The following RBBP8 variants were observed in gnomAD, a reference collection of about 807,000 sequenced individuals.
The protein encoded by RBBP8 is RB binding protein 8, endonuclease, also known as DNA endonuclease RBBP8.
Under a neutral mutation model 108.3 loss-of-function variants are expected in RBBP8, and 88 were observed. That is an observed-to-expected ratio of 0.81 (90% CI 0.68 to 0.97). The LOEUF (loss-of-function observed/expected upper bound fraction) is 0.97, where lower values mean the gene tolerates loss of function less well. Ranked by LOEUF, RBBP8 falls within the 50% of genes least tolerant of loss-of-function variation. The probability of loss-of-function intolerance (pLI) is 0.00; values close to 1 mark genes in which losing one functional copy is unlikely to be tolerated. For synonymous variants in RBBP8, 332 were observed against 348.2 expected, an observed-to-expected ratio of 0.95 and a Z score of 0.52; for missense variants, 1,023 against 1,049.0, an observed-to-expected ratio of 0.98 and a Z score of 0.34.
chr18:22,941,082 A>C (rs1274924559), intron 2 of RBBP8, among the ~76,000 whole-genome samples: 1 of 151,936 alleles, frequency 6.6e-6, no homozygotes, highest in Admixed American at 6.5e-5. Flanking sequence ...TTTGCTTTTC[A>C]GATTGTTCAT....
In RBBP8 at chr18:22,993,521, A is replaced by G; in HGVS notation, c.1694A>G (p.Asn565Ser). The change falls in exon 11 of 19, where the codon AAT (asparagine) becomes AGT (serine). Residue 565 changes from asparagine to serine, a missense_variant. Physicochemically the swap from Asn to Ser is conservative, Grantham distance 46. Coordinates refer to ENST00000327155, the MANE Select transcript of RBBP8 (RefSeq NM_002894.3). ...GAATGCATCATCCTTCAGCCCTTGA[A>G]TAAATGCTCTCCAGACAATAAACCA... Reference protein sequence around the residue: ...SQECIILQPLNKCSPDNKPSL... With the variant: ...SQECIILQPLSKCSPDNKPSL... The G allele has an allele frequency of 1.2e-6, 2 of 1,613,432 alleles. No homozygotes were observed. The highest frequency in any genetic ancestry group is 1.7e-6 in the Non-Finnish European group (2 of 1,179,856).
intron 17 of RBBP8, among the ~76,000 whole-genome samples, chr18:23,020,254 C>G (rs2046326985): frequency 6.6e-6 from 1 of 151,808 alleles, no homozygotes; most frequent in Non-Finnish European, 1.5e-5. Flanking sequence ...AACCCTGTCC[C>G]TACTAATAAT....
chr18:22,947,064 T>C (rs147058782), intron 3 of RBBP8, among the ~76,000 whole-genome samples: 1 of 152,190 alleles, frequency 6.6e-6, no homozygotes, highest in Non-Finnish European at 1.5e-5. Flanking sequence ...CATTCAGGAA[T>C]CTGAAACAGA....
chr18:22,918,290 G>T (rs1398563403), intron 3 of RBBP8, among the ~76,000 whole-genome samples: 1 of 152,172 alleles, frequency 6.6e-6, no homozygotes, highest in Admixed American at 6.5e-5. Context: ...GAAATTAGGT[G>T]ATTTCATTGT....
intron 13 of RBBP8, 78 bp downstream of exon 13, chr18:22,996,540 CTG>C: frequency 6.4e-7 from 1 of 1,570,928 alleles, no homozygotes; most frequent in Non-Finnish European, 8.6e-7. Flanking sequence ...TCGTGACTCA[CTG>C]TATCACCTTA....
intron 16 of RBBP8, among the ~76,000 whole-genome samples, chr18:23,007,701 A>AC (rs1329332252): frequency 6.7e-6 from 1 of 148,208 alleles, no homozygotes; most frequent in African/African-American, 2.5e-5. Context: ...CCGTCTCAGA[A>AC]AAAAAAAAAA....
chr18:22,945,979 T>C (rs1200029310), intron 2 of RBBP8, among the ~76,000 whole-genome samples: 2 of 152,200 alleles, frequency 1.3e-5, no homozygotes, highest in Non-Finnish European at 2.9e-5. Context: ...AATTAAAAAT[T>C]CATGTAATAG....
chr18:22,925,741 C>A (rs939569906), intron 3 of RBBP8, among the ~76,000 whole-genome samples: 1 of 152,104 alleles, frequency 6.6e-6, no homozygotes, highest in Non-Finnish European at 1.5e-5. Context: ...TGACTTGTTC[C>A]GACGGTTAGC....
intron 3 of RBBP8, among the ~76,000 whole-genome samples, chr18:22,928,158 G>A (rs4800440): frequency 0.18 from 26,844 of 150,598 alleles, 3,139 homozygotes; most frequent in East Asian, 0.44. Context: ...CTGAGATCGC[G>A]CCACTGCACT....
chr18:23,006,336 T>A (rs774240487), intron 15 of RBBP8, 27 bp from the exon 16 acceptor site: 12 of 1,586,694 alleles, frequency 7.6e-6, no homozygotes, highest in South Asian at 2.2e-5. Context: ...CTACATTTAG[T>A]TTGTAATGTG....
Position 22,936,772 on chromosome 18 carries a change from G to C in RBBP8, c.-80G>C. ...ATTTCAGGTATTTGACCTGTCCAAA[G>C]ACGACTTGATACCTCTATAATGTAA... is the stretch of plus-strand genomic sequence containing the variant. On this transcript the variant is annotated 5_prime_UTR_variant, in exon 2 of 19. Transcript: ENST00000327155. The C allele has an allele frequency of 6.4e-7, 1 of 1,552,218 alleles. No individual in the cohort carries two copies. The highest frequency in any genetic ancestry group is 1.7e-5 in the Admixed American group (1 of 59,868).
chr18:22,992,848 G>C lies in RBBP8; in HGVS notation c.1021G>C (p.Asp341His), dbSNP rs1372065302. Residue 341 changes from aspartate (D) to histidine (H), a missense_variant, in exon 11 of 19, where the codon GAT becomes CAT. By Grantham distance (81) the Asp-to-His change is moderately conservative. Coordinates refer to ENST00000327155, the MANE Select transcript of RBBP8 (RefSeq NM_002894.3). The stretch of plus-strand genomic sequence containing the variant: ...TACCTCTAGTATCAAAAGTGGTTTA[G>C]ATTTGAATACAAGTTTGTCCCCTTC... ...GATSSIKSGL[D>H]LNTSLSPSLL... The C allele has an allele frequency of 6.2e-7, 1 of 1,613,426 alleles. No individual in the cohort carries two copies. Among genetic ancestry groups the C allele is most frequent in the African/African-American group, 1.3e-5 (1 of 74,844 alleles).
intron 4 of RBBP8, among the ~76,000 whole-genome samples, chr18:22,952,548 A>G (rs1912130090): frequency 6.6e-6 from 1 of 152,206 alleles, no homozygotes; most frequent in African/African-American, 2.4e-5. Context: ...GATATTTAAT[A>G]AGACATATAC....
rs140196819 is a variant in RBBP8 at position 23,022,190 on chromosome 18, G to A, written c.2516G>A (p.Arg839Gln). ...AAATTGGCTTCCTGCTCAAGACACC[G>A]ATTCCGCTACATTCCACCCAACACA... ...EKKLASCSRH[R>Q]FRYIPPNTPE... The change falls in exon 18 of 19, where the codon CGA becomes CAA. Residue 839 changes from arginine to glutamine, a missense_variant. By Grantham distance (43) the Arg-to-Gln change is conservative. Transcript: ENST00000327155. 1,164 of 1,611,186 alleles carry A rather than the reference G, an allele frequency of 7.2e-4. 2 individuals carry two copies. The highest frequency in any genetic ancestry group is 9.3e-4 in the Non-Finnish European group (1,090 of 1,177,324).
rs1422761971 is a variant in RBBP8, at chr18:22,992,999, G to T, written c.1172G>T (p.Gly391Val). Residue 391 changes from glycine to valine, a missense_variant, in exon 11 of 19, where the codon GGG (glycine) becomes GTG (valine). Physicochemically the swap from Gly to Val is moderately radical, Grantham distance 109. Coordinates refer to ENST00000327155, the MANE Select transcript of RBBP8 (RefSeq NM_002894.3). ...DSALFTHHSL[G>V]SEVNKIIIQS... ...GCCCTTTTCACACATCACAGTCTTG[G>T]GTCTGAAGTGAACAAGATCATTATC... The T allele has an allele frequency of 6.2e-7, 1 of 1,613,370 alleles. No homozygotes were observed. The highest frequency in any genetic ancestry group is 1.3e-5 in the African/African-American group (1 of 74,862).
At chr18:23,022,669 A>AAAATAATAAATAC (rs1555650207) in intron 18 of RBBP8, among the ~76,000 whole-genome samples, 1 of 141,050 alleles carries the variant, frequency 7.1e-6, no homozygotes, top group African/African-American at 2.9e-5. Context: ...AAAATAAAAT[A>AAAATAATAAATAC]AATAACTGTA....
chr18:23,017,390 A>T (rs1350007717), intron 17 of RBBP8, among the ~76,000 whole-genome samples: 1 of 150,696 alleles, frequency 6.6e-6, no homozygotes, highest in African/African-American at 2.4e-5. Flanking sequence ...GCAGTGGCTC[A>T]CACCTGTAAT....
At chr18:22,998,659 C>T (rs926816008) in intron 14 of RBBP8, among the ~76,000 whole-genome samples, 6 of 152,224 alleles carry the variant, frequency 3.9e-5, no homozygotes, top group African/African-American at 1.4e-4. Flanking sequence ...GGTGTGCATT[C>T]CTTATCTTCT....
At chr18:22,928,701 G>A (rs1011325290), upstream of RBBP8, among the ~76,000 whole-genome samples, 1 of 149,702 alleles carries the variant, frequency 6.7e-6, no homozygotes, top group East Asian at 1.9e-4. Context: ...ACACAGTCTC[G>A]CTTTGTCGCC....
Sources: allele counts gnomAD v4.1 joint callset (sites outside exome capture counted in the v4.1 genomes callset), GRCh38; gene constraint gnomAD v4.1.1; transcripts MANE v1.5; gene names NCBI Gene and HGNC (gene_info 2026-07-23, HGNC 2026-07-21).